Variants in RNF168 observed in about 807,000 individuals in gnomAD.
RNF168 encodes ring finger protein 168.
RNF168 carries 34 observed loss-of-function variants against 34.9 expected under a neutral mutation model. The ratio of observed to expected loss-of-function variants is 0.97; its 90% CI spans 0.74 to 1.30. The LOEUF (loss-of-function observed/expected upper bound fraction) is 1.30, where lower values mean the gene tolerates loss of function less well. RNF168 is among the 50% of genes most tolerant of loss of function. The probability of loss-of-function intolerance (pLI) is 0.00; values close to 1 mark genes in which losing one functional copy is unlikely to be tolerated. For synonymous variants in RNF168, 264 were observed against 254.7 expected (o/e 1.04, Z -0.35); for missense variants, 725 against 682.5 (o/e 1.06, Z -0.69).
At chr3:196,491,378 G>T (rs1732592450) in intron 1 of RNF168, among the ~76,000 whole-genome samples, 1 of 151,894 alleles carries the variant, frequency 6.6e-6, no homozygotes, top group Non-Finnish European at 1.5e-5. Flanking sequence ...GCCGGGCACA[G>T]TGGCTCATGC....
At chr3:196,487,052 TCAAAAAA>T (rs1017904790) in intron 3 of RNF168, among the ~76,000 whole-genome samples, 4 of 152,138 alleles carry the variant, frequency 2.6e-5, no homozygotes, top group Admixed American at 1.3e-4. Context: ...AAGACCTGTC[TCAAAAAA>T]CAAAAAACCC....
Position 196,503,157 on chromosome 3 carries a change from T to A in RNF168, c.17A>T (p.Asp6Val), listed in dbSNP as rs1278480440. 6.2e-7 allele frequency: 1 copy of A among 1,613,602 alleles called. No individual in the cohort carries two copies. The highest frequency in any genetic ancestry group is 1.1e-5 in the South Asian group (1 of 91,062). The change falls in exon 1 of 6, where the codon GAC (aspartate) becomes GTC (valine). Residue 6 changes from aspartate to valine, a missense_variant. By Grantham distance (152) the Asp-to-Val change is radical. Coordinates refer to ENST00000318037, the MANE Select transcript of RNF168 (RefSeq NM_152617.4). MALPK[D>V]AIPSLSECQC... Reference sequence around the variant, plus strand: ...GCACTCGGACAGCGAGGGGATGGCGTCTTTGGGTAGAGCCATTTCAATATG... The same window carrying A: ...GCACTCGGACAGCGAGGGGATGGCGACTTTGGGTAGAGCCATTTCAATATG...
chr3:196,487,554 C>T lies in RNF168; in HGVS notation c.403G>A (p.Glu135Lys), dbSNP rs1732487275. ...SKVAAERRAS[E>K]EEENKASEEY... Reference sequence around the variant, plus strand: ...TCACTGGCTTTGTTTTCTTCTTCCTCGCTGGCCCGTCGCTCTGCCGCCACC... The same window carrying T: ...TCACTGGCTTTGTTTTCTTCTTCCTTGCTGGCCCGTCGCTCTGCCGCCACC... Residue 135 changes from glutamate (E) to lysine (K), a missense_variant, in exon 3 of 6, where the codon GAG becomes AAG. Glu to Lys is a moderately conservative substitution (Grantham distance 56). Transcript: ENST00000318037. 6 of 1,614,174 alleles carry T rather than the reference C, an allele frequency of 3.7e-6. No individual in the cohort carries two copies. The highest frequency in any genetic ancestry group is 5.1e-6 in the Non-Finnish European group (6 of 1,180,030).
chr3:196,477,353 C>G (rs1468228105), intron 4 of RNF168, among the ~76,000 whole-genome samples: 1 of 152,108 alleles, frequency 6.6e-6, no homozygotes, highest in Non-Finnish European at 1.5e-5. Flanking sequence ...ACAGACAAAT[C>G]CATAAGTTAC....
chr3:196,475,239 C>T lies in RNF168; in HGVS notation c.754G>A (p.Val252Ile), dbSNP rs779500819. The T allele has an allele frequency of 1.5e-5, 24 of 1,586,588 alleles. No homozygotes were observed. The highest frequency in any genetic ancestry group is 1.8e-5 in the Non-Finnish European group (21 of 1,155,078). ...EAVQEVRKDS[V>I]SKDIDSSDRK... ...CTTCAGTATCAACATACCTTAGATA[C>T]GGAGTCTTTCCTGACTTCTTGTACA... The change falls in exon 5 of 6, where the codon GTA becomes ATA. Residue 252 changes from valine to isoleucine, a missense_variant. Transcript: ENST00000318037.
In RNF168 at chr3:196,487,589, A is replaced by T; in HGVS notation, c.379-11T>A. The stretch of plus-strand genomic sequence containing the variant: ...TCGCTCTGCCGCCACCTTAAAAGTG[A>T]TTAATAAAGAGCAATCCTTCTCTGA... On this transcript the variant is annotated splice_polypyrimidine_tract_variant and intron_variant, in intron 2 of 5. Coordinates refer to ENST00000318037, the MANE Select transcript of RNF168 (RefSeq NM_152617.4). 1 of 1,613,362 alleles carries T rather than the reference A, an allele frequency of 6.2e-7. No homozygotes were observed. The highest frequency in any genetic ancestry group is 1.1e-5 in the South Asian group (1 of 91,068).
rs201038544 is a variant in RNF168, at chr3:196,471,194, TC to T, written c.*624del. On this transcript the variant is annotated 3_prime_UTR_variant, in exon 6 of 6. Transcript: ENST00000318037. ...CTGCGTGACAGAGCAAGACTCTGTCTCCAAAAAAAAAAAAAAAAAAAAAAAA... is the reference window on the plus strand; with the variant it reads ...CTGCGTGACAGAGCAAGACTCTGTCTCAAAAAAAAAAAAAAAAAAAAAAAA... The T allele has an allele frequency of 1.4e-4, 3 of 20,868 alleles. No individual in the cohort carries two copies. Among genetic ancestry groups the T allele is most frequent in the African/African-American group, 6.7e-4 (3 of 4,496 alleles). The allele number at this position is 20,868 out of a possible 1,614,324, so 1.3% of individuals were successfully genotyped here. A position where few individuals can be genotyped will look rare whatever the true frequency, so the allele number is the denominator to read the frequency against.
chr3:196,494,013 C>T (rs900501683), intron 1 of RNF168, among the ~76,000 whole-genome samples: 1 of 151,388 alleles, frequency 6.6e-6, no homozygotes, highest in African/African-American at 2.4e-5. Flanking sequence ...CCACCACACC[C>T]GGCTAATTTT....
intron 1 of RNF168, among the ~76,000 whole-genome samples, chr3:196,489,474 GC>G (rs1393593431): frequency 6.6e-6 from 1 of 151,884 alleles, no homozygotes; most frequent in Non-Finnish European, 1.5e-5. Flanking sequence ...TCACAGGCAT[GC>G]CCAACCATGC....
At chr3:196,499,216 A>T (rs1732822387) in intron 1 of RNF168, among the ~76,000 whole-genome samples, 1 of 152,098 alleles carries the variant, frequency 6.6e-6, no homozygotes, top group African/African-American at 2.4e-5. Flanking sequence ...ATGTAAAGAC[A>T]GACACACCGG....
In RNF168 at chr3:196,470,904, G is replaced by GT. The variant is rs1371630665; in HGVS notation, c.*914dup. 6.6e-6 allele frequency: 1 copy of GT among 152,212 alleles called. No individual in the cohort carries two copies. Among genetic ancestry groups the GT allele is most frequent in the East Asian group, 1.9e-4 (1 of 5,196 alleles). The allele number at this position is 152,212 out of a possible 1,614,324, so 9.4% of individuals were successfully genotyped here. On this transcript the variant is annotated 3_prime_UTR_variant, in exon 6 of 6. Transcript: ENST00000318037. ...TTAAACCAAAGGAAACAGGCCGGGC[G>GT]TGGTGGCTCACGCCTATAATCCCAG...
intron 1 of RNF168, among the ~76,000 whole-genome samples, chr3:196,495,018 G>C (rs1732704407): frequency 6.6e-6 from 1 of 152,148 alleles, no homozygotes; most frequent in Non-Finnish European, 1.5e-5. Context: ...GTGAGACCCT[G>C]TCTCGAAAAT....
In RNF168 at chr3:196,503,092, T is replaced by G. The variant is rs1309764076; in HGVS notation, c.82A>C (p.Thr28Pro). Reference protein sequence around the residue: ...ICMEILVEPVTLPCNHTLCKP... With the variant: ...ICMEILVEPVPLPCNHTLCKP... ...CACAGCGTGTGGTTACACGGGAGGGTGACGGGCTCCACGAGGATTTCCATG... is the reference window on the plus strand; with the variant it reads ...CACAGCGTGTGGTTACACGGGAGGGGGACGGGCTCCACGAGGATTTCCATG... The change falls in exon 1 of 6, where the codon ACC becomes CCC. Residue 28 changes from threonine to proline, a missense_variant. Thr to Pro is a conservative substitution (Grantham distance 38, BLOSUM62 -1). Coordinates refer to ENST00000318037, the MANE Select transcript of RNF168 (RefSeq NM_152617.4). 6.2e-7 allele frequency: 1 copy of G among 1,613,616 alleles called. No individual in the cohort carries two copies. Among genetic ancestry groups the G allele is most frequent in the Admixed American group, 1.7e-5 (1 of 59,986 alleles).
In RNF168 at chr3:196,471,862, G is replaced by A. The variant is rs960053677; in HGVS notation, c.1673C>T (p.Ser558Leu). The A allele has an allele frequency of 1.9e-6, 3 of 1,613,984 alleles. No homozygotes were observed. The highest frequency in any genetic ancestry group is 2.5e-6 in the Non-Finnish European group (3 of 1,179,898). Residue 558 changes from serine (S) to leucine (L), a missense_variant, in exon 6 of 6, where the codon TCA becomes TTA. Ser to Leu is a moderately radical substitution (Grantham distance 145). Transcript: ENST00000318037. ...AAACATCTGAAAAACACTTTTCTGT[G>A]AAATGCTAGGCTGTAGGGAGTGAGC... ...KSAHSLQPSI[S>L]QKSVFQMFQR... is the part of the protein sequence containing the mutation.
Position 196,469,085 on chromosome 3 carries a change from C to A in RNF168, c.*2734G>T, listed in dbSNP as rs2108642449. On this transcript the variant is annotated 3_prime_UTR_variant, in exon 6 of 6. Transcript: ENST00000318037. The stretch of plus-strand genomic sequence containing the variant: ...CACCATATATGTGATATATTTACAC[C>A]TAAATATATCACACCCTCCTTTTTG... 6.6e-6 allele frequency: 1 copy of A among 152,076 alleles called. No individual in the cohort carries two copies. The allele number at this position is 152,076 out of a possible 1,614,324, so 9.4% of individuals were successfully genotyped here.
At chr3:196,491,244 C>T (rs1321530516) in intron 1 of RNF168, among the ~76,000 whole-genome samples, 3 of 152,114 alleles carry the variant, frequency 2.0e-5, no homozygotes, top group Non-Finnish European at 1.5e-5. Context: ...ACCCGGGAGG[C>T]GGAGGCTGCA....
At chr3:196,488,524 T>G (rs1207058952) in intron 2 of RNF168, 83 bp downstream of exon 2, 2 of 810,766 alleles carry the variant, frequency 2.5e-6, no homozygotes, top group Non-Finnish European at 4.2e-6. Flanking sequence ...ACTAGTTATA[T>G]AAGCACAAAA....
intron 3 of RNF168, among the ~76,000 whole-genome samples, chr3:196,486,402 A>G (rs1026415967): frequency 2.6e-5 from 4 of 152,044 alleles, no homozygotes; most frequent in African/African-American, 9.7e-5. Context: ...TGGCGAGATC[A>G]GCTCACTGTA....
chr3:196,482,263 T>C (rs925015517), intron 4 of RNF168, among the ~76,000 whole-genome samples: 4 of 152,226 alleles, frequency 2.6e-5, no homozygotes, highest in African/African-American at 9.6e-5. Context: ...TAAAACTATA[T>C]AATCCTGTTA....
Sources: gnomAD v4.1 joint callset for allele counts (sites outside exome capture counted in the v4.1 genomes callset) on GRCh38, gnomAD v4.1.1 for gene constraint, MANE v1.5 for transcripts, NCBI Gene and HGNC (gene_info 2026-07-23, HGNC 2026-07-21) for gene names.